The following HS6ST2 variants were observed in gnomAD, a reference collection of about 807,000 sequenced individuals.
The protein encoded by HS6ST2 is heparan-sulfate 6-O-sulfotransferase 2.
HS6ST2 carries 17 observed loss-of-function variants against 33.0 expected under a neutral mutation model. That is an observed-to-expected ratio of 0.52 (90% CI 0.35 to 0.77). The LOEUF (loss-of-function observed/expected upper bound fraction) is 0.77. Among genes scored for constraint, HS6ST2 ranks in the 30% least tolerant of loss-of-function variants. The pLI, the probability that HS6ST2 is intolerant of heterozygous loss-of-function variation, is 0.01. For synonymous variants in HS6ST2, 248 were observed against 237.1 expected (o/e 1.05, Z -0.42); for missense variants, 519 against 551.7 (o/e 0.94, Z 0.59).
At chrX:132,722,748 T>C (rs886947624) in intron 2 of HS6ST2, among the ~76,000 whole-genome samples, 2 of 111,171 alleles carry the variant, frequency 1.8e-5, no homozygotes, top group Non-Finnish European at 3.8e-5. Flanking sequence ...GGAACAGTCA[T>C]GTCATTTGAT....
chrX:132,817,459 C>G (rs2065405287), intron 2 of HS6ST2, among the ~76,000 whole-genome samples: 1 of 110,868 alleles, frequency 9.0e-6, no homozygotes, highest in South Asian at 3.9e-4. Context: ...CTCCAGGGAA[C>G]ACTGATTGAA....
At chrX:132,878,332 C>G in intron 2 of HS6ST2, among the ~76,000 whole-genome samples, 1 of 112,278 alleles carries the variant, frequency 8.9e-6, no homozygotes, top group Non-Finnish European at 1.9e-5. Context: ...CCCATTCCCC[C>G]AGTGGGCCTC....
At chrX:132,638,772 G>A (rs939638355) in intron 4 of HS6ST2, among the ~76,000 whole-genome samples, 2 of 111,955 alleles carry the variant, frequency 1.8e-5, no homozygotes, top group Non-Finnish European at 3.8e-5. Flanking sequence ...AGACAAGCAA[G>A]ACTTATTAGA....
At chrX:132,804,516 G>C (rs1228865136) in intron 2 of HS6ST2, among the ~76,000 whole-genome samples, 1 of 112,231 alleles carries the variant, frequency 8.9e-6, no homozygotes, top group African/African-American at 3.2e-5. Flanking sequence ...TAAGAAAAAG[G>C]GGGGTGGGCA....
chrX:132,850,931 G>A (rs1027220641), intron 2 of HS6ST2, among the ~76,000 whole-genome samples: 1 of 111,848 alleles, frequency 8.9e-6, no homozygotes, highest in African/African-American at 3.2e-5. Context: ...CTGTGTAAAT[G>A]ACTATTGTTC....
intron 2 of HS6ST2, among the ~76,000 whole-genome samples, chrX:132,728,629 A>C (rs190269886): frequency 8.9e-6 from 1 of 112,283 alleles, no homozygotes; most frequent in Non-Finnish European, 1.9e-5. Flanking sequence ...CAAGCCTAGG[A>C]AAACCCAGGA....
At chrX:132,770,927 G>T (rs961070834) in intron 2 of HS6ST2, among the ~76,000 whole-genome samples, 2 of 111,491 alleles carry the variant, frequency 1.8e-5, no homozygotes, top group African/African-American at 3.3e-5. Flanking sequence ...TGATCAATAA[G>T]GAAATAGTAA....
chrX:132,957,909 G>C (rs1456748284), intron 1 of HS6ST2, among the ~76,000 whole-genome samples: 3 of 112,025 alleles, frequency 2.7e-5, no homozygotes, highest in African/African-American at 9.7e-5. Flanking sequence ...GGAGCCGGGG[G>C]CTCAGAGTTA....
chrX:132,699,440 T>C (rs1212877466), intron 3 of HS6ST2, among the ~76,000 whole-genome samples: 1 of 112,011 alleles, frequency 8.9e-6, no homozygotes, highest in Non-Finnish European at 1.9e-5. Context: ...GGTGGATTGC[T>C]TTACATGTGA....
In HS6ST2 at chrX:132,874,073, C is replaced by T. The variant is rs145471831; in HGVS notation, c.947+82735G>A. 1.1e-3 allele frequency among the ~76,000 whole-genome samples: 119 copies of T among 111,295 alleles called. 1 individual carries two copies. In the East Asian group the frequency reaches 0.03, roughly 28 times the overall value. ...GTACACTGCCCTCCGCGAGGTCTAT[C>T]GATAACCCTGAAACTACAGGCTTGC... On this transcript the variant is annotated intron_variant, in intron 2 of 4. Transcript: ENST00000370833.
Position 132,946,151 on chromosome X carries a change from G to A in HS6ST2, c.947+10657C>T, listed in dbSNP as rs776477961. Among the ~76,000 whole-genome samples, 3 of 111,941 alleles carry A rather than the reference G, an allele frequency of 2.7e-5. No individual in the cohort carries two copies. The East Asian group carries it at 8.5e-4, about 32-fold the overall frequency. ...GTGTTGGAGAGGATGTGGAGAAATA[G>A]GAACACTTTTACACTGTTGGTGGGT... On this transcript the variant is annotated intron_variant, in intron 2 of 4. Coordinates refer to ENST00000370833, the MANE Select transcript of HS6ST2 (RefSeq NM_001394073.1).
At chrX:132,917,211 G>A (rs2066602930) in intron 2 of HS6ST2, among the ~76,000 whole-genome samples, 1 of 111,413 alleles carries the variant, frequency 9.0e-6, no homozygotes, top group African/African-American at 3.3e-5. Flanking sequence ...AAGATTTCTA[G>A]GGGGCATTAC....
intron 2 of HS6ST2, among the ~76,000 whole-genome samples, chrX:132,842,531 C>T (rs1431736102): frequency 9.0e-6 from 1 of 111,537 alleles, no homozygotes; most frequent in African/African-American, 3.3e-5. Flanking sequence ...TTTTGATTCC[C>T]AGAAAATCCC....
chrX:132,786,648 G>A (rs1321924869), intron 2 of HS6ST2, among the ~76,000 whole-genome samples: 2 of 101,237 alleles, frequency 2.0e-5, no homozygotes, highest in East Asian at 3.0e-4. Context: ...ACAGAGTTTC[G>A]CTCTTGTTAC....
At chrX:132,810,029 A>C (rs749162350) in intron 2 of HS6ST2, among the ~76,000 whole-genome samples, 1 of 111,613 alleles carries the variant, frequency 9.0e-6, no homozygotes, top group South Asian at 3.9e-4. Context: ...CGTTTTCTGA[A>C]CGTTCAATGA....
intron 2 of HS6ST2, among the ~76,000 whole-genome samples, chrX:132,851,029 C>T (rs1251366691): frequency 8.9e-6 from 1 of 111,949 alleles, no homozygotes; most frequent in African/African-American, 3.2e-5. Context: ...AGGCATTAAT[C>T]TATGTAAAGA....
chrX:132,953,229 A>G (rs752405948), intron 2 of HS6ST2, among the ~76,000 whole-genome samples: 1 of 112,131 alleles, frequency 8.9e-6, no homozygotes, highest in Non-Finnish European at 1.9e-5. Context: ...ATGGTCTCAG[A>G]AATTCTAAAA....
chrX:132,826,916 T>G (rs531508338), intron 2 of HS6ST2, among the ~76,000 whole-genome samples: 1 of 111,265 alleles, frequency 9.0e-6, no homozygotes, highest in East Asian at 2.8e-4. Flanking sequence ...GAATGTACTA[T>G]GGTCAGGCCA....
chrX:132,772,955 T>C (rs2064921293), intron 2 of HS6ST2, among the ~76,000 whole-genome samples: 2 of 89,920 alleles, frequency 2.2e-5, no homozygotes, highest in Admixed American at 1.4e-4. Flanking sequence ...ATTTAGATTA[T>C]ATATTAATAT....
Sources: gnomAD v4.1 joint callset for allele counts (sites outside exome capture counted in the v4.1 genomes callset) on GRCh38, gnomAD v4.1.1 for gene constraint, MANE v1.5 for transcripts, NCBI Gene and HGNC (gene_info 2026-07-23, HGNC 2026-07-21) for gene names.